TMEM150C: variants seen among roughly 807,000 people sequenced by gnomAD.
The protein encoded by TMEM150C is tentonin 3.
In TMEM150C, 10 loss-of-function variants were observed where a neutral mutation model predicts 29.9. The ratio of observed to expected loss-of-function variants is 0.33; its 90% CI spans 0.21 to 0.57. The LOEUF (loss-of-function observed/expected upper bound fraction) is 0.57. Among genes scored for constraint, TMEM150C ranks in the 20% least tolerant of loss-of-function variants. The probability of loss-of-function intolerance (pLI) is 0.88; values close to 1 mark genes in which losing one functional copy is unlikely to be tolerated. For missense variants in TMEM150C, 251 were observed against 303.6 expected (o/e 0.83, Z 1.29); for synonymous variants, 101 against 112.5 (o/e 0.90, Z 0.64).
intron 1 of TMEM150C, among the ~76,000 whole-genome samples, chr4:82,513,744 A>G (rs1358164119): frequency 6.6e-6 from 1 of 152,184 alleles, no homozygotes; most frequent in Non-Finnish European, 1.5e-5. Flanking sequence ...GAGACTGGAG[A>G]TGAAAATAAG....
rs187838455 is a variant in TMEM150C at position 82,495,365 on chromosome 4, C to T, written c.363+703G>A. ...CTGAGGCGGGAGAATTACTTGAACC[C>T]GGGAGGCGGAGGTTGCAGTAAGCTG... On this transcript the variant is annotated intron_variant, in intron 6 of 7. Coordinates refer to ENST00000449862, the MANE Select transcript of TMEM150C (RefSeq NM_001080506.3). 13 of 227,844 alleles carry T rather than the reference C, an allele frequency of 5.7e-5. 1 individual carries two copies. Among genetic ancestry groups the T allele is most frequent in the Middle Eastern group, 1.7e-3 (1 of 602 alleles). The allele number at this position is 227,844 out of a possible 1,614,324, so 14.1% of individuals were successfully genotyped here. A position where few individuals can be genotyped will look rare whatever the true frequency, so the allele number is the denominator to read the frequency against.
chr4:82,552,122 C>T (rs1725601737), intron 1 of TMEM150C, among the ~76,000 whole-genome samples: 1 of 152,146 alleles, frequency 6.6e-6, no homozygotes, highest in African/African-American at 2.4e-5. Context: ...CACCTTCCAC[C>T]ATGAGTGGAA....
chr4:82,538,121 C>T (rs562059030), intron 1 of TMEM150C, among the ~76,000 whole-genome samples: 117 of 152,254 alleles, frequency 7.7e-4, no homozygotes, highest in Middle Eastern at 3.4e-3. Context: ...TGTGGTAGCG[C>T]GATCTTGGCT....
At chr4:82,533,788 C>T (rs1724924573) in intron 1 of TMEM150C, among the ~76,000 whole-genome samples, 1 of 152,132 alleles carries the variant, frequency 6.6e-6, no homozygotes, top group South Asian at 2.1e-4. Flanking sequence ...AAAGCATCAG[C>T]CTCTCAATAA....
intron 1 of TMEM150C, among the ~76,000 whole-genome samples, chr4:82,543,369 T>C (rs1725252049): frequency 6.6e-6 from 1 of 152,178 alleles, no homozygotes. Context: ...ATTTTACTGC[T>C]GAAAAATGGA....
chr4:82,522,402 C>A (rs982759844), intron 1 of TMEM150C, among the ~76,000 whole-genome samples: 1 of 152,164 alleles, frequency 6.6e-6, no homozygotes, highest in African/African-American at 2.4e-5. Flanking sequence ...GTAGCCCTGG[C>A]AATTTTATTC....
At chr4:82,491,789 A>G (rs1188203417) in intron 6 of TMEM150C, among the ~76,000 whole-genome samples, 2 of 152,146 alleles carry the variant, frequency 1.3e-5, no homozygotes, top group African/African-American at 4.8e-5. Context: ...GGCGTGAGCC[A>G]TCAATCCTGG....
At chr4:82,560,184 T>C (rs1455001854) in intron 1 of TMEM150C, among the ~76,000 whole-genome samples, 1 of 152,198 alleles carries the variant, frequency 6.6e-6, no homozygotes, top group Non-Finnish European at 1.5e-5. Flanking sequence ...AAGGTATTTG[T>C]AAGAAATGCA....
chr4:82,537,027 G>C (rs1725033782), intron 1 of TMEM150C, among the ~76,000 whole-genome samples: 1 of 152,138 alleles, frequency 6.6e-6, no homozygotes, highest in African/African-American at 2.4e-5. Flanking sequence ...TGCCGCCCAG[G>C]CTGGAGTGCA....
chr4:82,521,182 C>T (rs912963837), intron 1 of TMEM150C, among the ~76,000 whole-genome samples: 1 of 152,192 alleles, frequency 6.6e-6, no homozygotes, highest in Non-Finnish European at 1.5e-5. Context: ...TCCTATGTCA[C>T]CCTGCTATAT....
intron 1 of TMEM150C, among the ~76,000 whole-genome samples, chr4:82,540,270 C>G (rs1578150740): frequency 6.6e-6 from 1 of 150,674 alleles, no homozygotes; most frequent in East Asian, 1.9e-4. Flanking sequence ...GCCACCATGC[C>G]CGGCTAATTT....
rs920481503 is a variant in TMEM150C, at chr4:82,502,902, A to G, written c.160T>C (p.Tyr54His). 2 of 1,598,106 alleles carry G rather than the reference A, an allele frequency of 1.3e-6. No homozygotes were observed. The highest frequency in any genetic ancestry group is 1.7e-6 in the Non-Finnish European group (2 of 1,171,570). The change falls in exon 4 of 8, where the codon TAT (tyrosine) becomes CAT (histidine). Residue 54 changes from tyrosine (Y) to histidine (H), a missense_variant. By Grantham distance (83) the Tyr-to-His change is moderately conservative. Coordinates refer to ENST00000449862, the MANE Select transcript of TMEM150C (RefSeq NM_001080506.3). ...AGAGAATTGCTGGGTTACCTTATATATGGTGCATGCTTCACACCAGGTTTC... is the reference window on the plus strand; with the variant it reads ...AGAGAATTGCTGGGTTACCTTATATGTGGTGCATGCTTCACACCAGGTTTC... ...ERKPGVKHAPYISIAGDDPPA... is the reference protein window; with the variant it reads ...ERKPGVKHAPHISIAGDDPPA...
intron 1 of TMEM150C, among the ~76,000 whole-genome samples, chr4:82,547,205 CA>C (rs756021403): frequency 6.6e-6 from 1 of 150,406 alleles, no homozygotes; most frequent in Non-Finnish European, 1.5e-5. Context: ...AAGCAAAAAA[CA>C]AATAACCCAA....
chr4:82,531,920 T>C (rs28439558), intron 1 of TMEM150C, among the ~76,000 whole-genome samples: 11,606 of 152,178 alleles, frequency 0.076, 753 homozygotes, highest in African/African-American at 0.17. Flanking sequence ...TCTGCTGGAT[T>C]TAGCAATTCA....
chr4:82,547,047 G>A (rs1448797902), intron 1 of TMEM150C, among the ~76,000 whole-genome samples: 1 of 152,042 alleles, frequency 6.6e-6, no homozygotes, highest in Admixed American at 6.5e-5. Flanking sequence ...ATTGAGAAGT[G>A]GGACCTAATT....
intron 1 of TMEM150C, among the ~76,000 whole-genome samples, chr4:82,550,258 C>T (rs1725527326): frequency 1.3e-5 from 2 of 150,694 alleles, no homozygotes. Flanking sequence ...CTCTCATGAA[C>T]TCTCTCTCTC....
intron 7 of TMEM150C, among the ~76,000 whole-genome samples, chr4:82,488,706 T>C (rs918630237): frequency 6.6e-6 from 1 of 152,162 alleles, no homozygotes; most frequent in African/African-American, 2.4e-5. Flanking sequence ...CTCAAATTCC[T>C]GGGATCAAGT....
intron 1 of TMEM150C, among the ~76,000 whole-genome samples, chr4:82,550,205 T>C (rs796337285): frequency 6.6e-6 from 1 of 152,168 alleles, no homozygotes; most frequent in East Asian, 1.9e-4. Flanking sequence ...GATGGTTTTA[T>C]AAGTGTTTAA....
chr4:82,495,572 G>C, intron 6 of TMEM150C: 1 of 349,206 alleles, frequency 2.9e-6, no homozygotes, highest in South Asian at 2.7e-5. Context: ...GCTCAGATTG[G>C]CATCCACAGT....
Sources: allele counts gnomAD v4.1 joint callset (sites outside exome capture counted in the v4.1 genomes callset), GRCh38; gene constraint gnomAD v4.1.1; transcripts MANE v1.5; gene names NCBI Gene and HGNC (gene_info 2026-07-23, HGNC 2026-07-21).